KDSR: variants seen among roughly 807,000 people sequenced by gnomAD.
The protein encoded by KDSR is 3-ketodihydrosphingosine reductase, also known as 3-dehydrosphinganine reductase.
A neutral mutation model predicts 41.3 loss-of-function variants in KDSR; 23 were observed. That is an observed-to-expected ratio of 0.56 (90% CI 0.40 to 0.79). KDSR has a LOEUF of 0.79. KDSR is among the 30% of genes least tolerant of loss of function. The pLI is 0.00. For synonymous variants in KDSR, 138 were observed against 151.7 expected (o/e 0.91, Z 0.66); for missense variants, 351 against 416.8 (o/e 0.84, Z 1.37).
chr18:63,331,957 G>C (rs1241941403), intron 9 of KDSR, 56 bp from the exon 10 acceptor site: 2 of 1,574,236 alleles, frequency 1.3e-6, no homozygotes, highest in Non-Finnish European at 1.7e-6. Context: ...CTATTTCAAG[G>C]TACCTAGGTC....
At chr18:63,343,204 G>A (rs925804346) in intron 7 of KDSR, among the ~76,000 whole-genome samples, 1 of 151,994 alleles carries the variant, frequency 6.6e-6, no homozygotes, top group Non-Finnish European at 1.5e-5. Context: ...TTAGCCTCCT[G>A]AGTAGCTGGA....
intron 7 of KDSR, among the ~76,000 whole-genome samples, chr18:63,340,172 T>A (rs1443587229): frequency 6.6e-6 from 1 of 152,186 alleles, no homozygotes; most frequent in Non-Finnish European, 1.5e-5. Context: ...TTAATCAACA[T>A]CAGAATCAAA....
intron 8 of KDSR, among the ~76,000 whole-genome samples, chr18:63,337,113 A>ACTATATATATATATATATATAT (rs1555713254): frequency 1.6e-5 from 2 of 127,774 alleles, no homozygotes; most frequent in Admixed American, 7.7e-5. Flanking sequence ...TATATATGTG[A>ACTATATATATATATATATATAT]ATATATATAT....
At chr18:63,356,924 A>G (rs901209769) in intron 3 of KDSR, among the ~76,000 whole-genome samples, 2 of 152,240 alleles carry the variant, frequency 1.3e-5, no homozygotes, top group East Asian at 1.9e-4. Flanking sequence ...AGATATACAC[A>G]AGGATTTTTA....
At position 63,355,299 on chromosome 18, in the gene KDSR, C is replaced by T. The variant is rs757288753; in HGVS notation, c.322G>A (p.Ala108Thr). The change falls in exon 5 of 10, where the codon GCA becomes ACA. Residue 108 changes from alanine (A) to threonine (T), a missense_variant and splice_region_variant. Coordinates refer to ENST00000645214, the MANE Select transcript of KDSR (RefSeq NM_002035.4). ...TCCACTGGACCCAGTTTCTCCTGTG[C>T]CTAGAAAAATGTAGCAGAGCAGGCA... ...YNQVENVIKQ[A>T]QEKLGPVDML... is the part of the protein sequence containing the mutation. The T allele has an allele frequency of 7.4e-6, 12 of 1,613,474 alleles. No individual in the cohort carries two copies. Among genetic ancestry groups the T allele is most frequent in the Non-Finnish European group, 1.0e-5 (12 of 1,179,630 alleles).
intron 3 of KDSR, among the ~76,000 whole-genome samples, chr18:63,359,295 T>C (rs1914896259): frequency 1.3e-5 from 2 of 151,854 alleles, no homozygotes; most frequent in East Asian, 1.9e-4. Context: ...ACAAGGCTGC[T>C]GTGGGGGCTT....
intron 8 of KDSR, among the ~76,000 whole-genome samples, chr18:63,337,094 T>TTATATATATATATGTGAATATATA (rs1914188868): frequency 7.8e-5 from 3 of 38,702 alleles, no homozygotes; most frequent in Non-Finnish European, 2.0e-4. Context: ...ATATGTGACT[T>TTATATATATATATGTGAATATATA]TATATATATA....
chr18:63,333,685 C>T (rs1166126868), intron 9 of KDSR, among the ~76,000 whole-genome samples: 1 of 152,160 alleles, frequency 6.6e-6, no homozygotes, highest in Non-Finnish European at 1.5e-5. Context: ...TTATATAAAA[C>T]CTAATTTTAA....
intron 3 of KDSR, among the ~76,000 whole-genome samples, chr18:63,357,968 G>A (rs1290464951): frequency 6.6e-6 from 1 of 152,024 alleles, no homozygotes; most frequent in African/African-American, 2.4e-5. Context: ...ACGAGGTTGG[G>A]AGTTCGAGAC....
chr18:63,336,007 T>A (rs1456749117), intron 8 of KDSR: 1 of 152,292 alleles, frequency 6.6e-6, no homozygotes, highest in Non-Finnish European at 1.5e-5. Context: ...AACTGCCACT[T>A]CTTTCATGGA....
Position 63,331,782 on chromosome 18 carries a change from T to C in KDSR, c.999A>G (p.Ter333=). The C allele has an allele frequency of 1.9e-6, 3 of 1,613,248 alleles. No homozygotes were observed. The highest frequency in any genetic ancestry group is 2.5e-6 in the Non-Finnish European group (3 of 1,179,680). Residue 333 remains the stop codon, a stop_retained_variant, in exon 10 of 10, where the codon TAA becomes TAG. Transcript: ENST00000645214. ...AGTCTTCTTCCAAGGGGTAAGAAGA[T>C]TAGGCAGTTTTGTCTGCATTTTCAG... ...EKSENADKTA[*]
At chr18:63,353,902 G>A (rs952703346) in intron 5 of KDSR, among the ~76,000 whole-genome samples, 2 of 151,894 alleles carry the variant, frequency 1.3e-5, no homozygotes, top group African/African-American at 4.8e-5. Context: ...GGAGGGGGTG[G>A]GTGCACCTCA....
chr18:63,344,473 G>A lies in KDSR; in HGVS notation c.630C>T (p.Tyr210=), dbSNP rs750196660. 1 of 1,613,796 alleles carries A rather than the reference G, an allele frequency of 6.2e-7. No individual in the cohort carries two copies. Among genetic ancestry groups the A allele is most frequent in the Admixed American group, 1.7e-5 (1 of 60,024 alleles). The change falls in exon 7 of 10, where the codon TAC becomes TAT. Residue 210 remains tyrosine (Y), a synonymous_variant. Transcript: ENST00000645214. ...LQMEVKPYNV[Y]ITVAYPPDTD... The stretch of plus-strand genomic sequence containing the variant: ...TGTCTGGTGGGTAAGCAACTGTGAT[G>A]TAGACATTATATGGCTTCACCTGCA...
At chr18:63,353,857 G>A (rs904456288) in intron 5 of KDSR, among the ~76,000 whole-genome samples, 4 of 152,010 alleles carry the variant, frequency 2.6e-5, no homozygotes, top group African/African-American at 7.2e-5. Context: ...GGTGAGGGCC[G>A]CCCTATGGGT....
intron 1 of KDSR, among the ~76,000 whole-genome samples, chr18:63,364,410 T>C (rs1426745546): frequency 1.3e-5 from 2 of 152,136 alleles, no homozygotes; most frequent in Non-Finnish European, 2.9e-5. Flanking sequence ...ATATATATTA[T>C]ATATTTCACT....
Position 63,329,301 on chromosome 18 carries a change from C to A in KDSR, c.*2481G>T, listed in dbSNP as rs1913902853. Reference sequence around the variant, plus strand: ...GGCATATTTTGAATATTACAAAACACCTCCACAGCATCTAAGGGAAAACCT... The same window carrying A: ...GGCATATTTTGAATATTACAAAACAACTCCACAGCATCTAAGGGAAAACCT... On this transcript the variant is annotated 3_prime_UTR_variant, in exon 10 of 10. Transcript: ENST00000645214. 9.6e-6 allele frequency: 2 copies of A among 207,258 alleles called. No individual in the cohort carries two copies. The allele number at this position is 207,258 out of a possible 1,614,324, so 12.8% of individuals were successfully genotyped here. A position where few individuals can be genotyped will look rare whatever the true frequency, so the allele number is the denominator to read the frequency against.
In KDSR at chr18:63,330,601, G is replaced by C. The variant is rs1913950286; in HGVS notation, c.*1181C>G. On this transcript the variant is annotated 3_prime_UTR_variant, in exon 10 of 10. Coordinates refer to ENST00000645214, the MANE Select transcript of KDSR (RefSeq NM_002035.4). ...TGGGAGAGTCACATAAAGAACAGGT[G>C]ATCATTTTATTTCAAAAGCAACTCT... 4.3e-6 allele frequency: 1 copy of C among 231,656 alleles called. No individual in the cohort carries two copies. The highest frequency in any genetic ancestry group is 5.6e-5 in the Admixed American group (1 of 17,724). The allele number at this position is 231,656 out of a possible 1,614,324, so 14.4% of individuals were successfully genotyped here. A position where few individuals can be genotyped will look rare whatever the true frequency, so the allele number is the denominator to read the frequency against.
chr18:63,357,199 G>A (rs1057148850), intron 3 of KDSR, among the ~76,000 whole-genome samples: 17 of 152,152 alleles, frequency 1.1e-4, no homozygotes, highest in African/African-American at 3.9e-4. Context: ...CCAAGTATTG[G>A]CAGGGATGTG....
At position 63,350,967 on chromosome 18, in the gene KDSR, T is replaced by C; in HGVS notation, c.530A>G (p.Gln177Arg). 3.1e-6 allele frequency: 5 copies of C among 1,614,168 alleles called. No homozygotes were observed. The highest frequency in any genetic ancestry group is 1.1e-5 in the South Asian group (1 of 91,086). ...RIVFVSSQAG[Q>R]LGLFGFTAYS... ...GGCTGTGAAACCGAATAATCCCAAC[T>C]GTCCTGCCTGGGAGGACACAAACAC... Residue 177 changes from glutamine (Q) to arginine (R), a missense_variant, in exon 6 of 10, where the codon CAG becomes CGG. By Grantham distance (43) the Gln-to-Arg change is conservative (BLOSUM62 1). Transcript: ENST00000645214.
Sources: gnomAD v4.1 joint callset for allele counts (sites outside exome capture counted in the v4.1 genomes callset) on GRCh38, gnomAD v4.1.1 for gene constraint, MANE v1.5 for transcripts, NCBI Gene and HGNC (gene_info 2026-07-23, HGNC 2026-07-21) for gene names.